ATP6V1E1: variants seen among roughly 807,000 people sequenced by gnomAD.
ATP6V1E1 encodes V-type proton ATPase subunit E 1.
Under a neutral mutation model 35.2 loss-of-function variants are expected in ATP6V1E1, and 21 were observed. The ratio of observed to expected loss-of-function variants is 0.60; its 90% CI spans 0.42 to 0.86. The LOEUF (loss-of-function observed/expected upper bound fraction) is 0.86, where lower values mean the gene tolerates loss of function less well. ATP6V1E1 is among the 40% of genes least tolerant of loss of function. The probability of loss-of-function intolerance (pLI) is 0.00; values close to 1 mark genes in which losing one functional copy is unlikely to be tolerated. For synonymous variants in ATP6V1E1, 83 were observed against 87.8 expected, an observed-to-expected ratio of 0.95 and a Z score of 0.30; for missense variants, 183 against 272.6, an observed-to-expected ratio of 0.67 and a Z score of 2.32.
At chr22:17,602,068 CTCA>C (rs1273413838) in intron 4 of ATP6V1E1, among the ~76,000 whole-genome samples, 1 of 152,082 alleles carries the variant, frequency 6.6e-6, no homozygotes, top group African/African-American at 2.4e-5. Context: ...CTATACCCAG[CTCA>C]TATTATTTTA....
intron 7 of ATP6V1E1, chr22:17,597,956 C>A (rs193063302): frequency 6.2e-6 from 3 of 480,908 alleles, no homozygotes; most frequent in Non-Finnish European, 1.1e-5. Context: ...GGATTACAGG[C>A]GTGAGCCACC....
At chr22:17,626,209 G>C (rs1334349159) in intron 1 of ATP6V1E1, among the ~76,000 whole-genome samples, 2 of 151,428 alleles carry the variant, frequency 1.3e-5, no homozygotes, top group East Asian at 3.9e-4. Flanking sequence ...TCGGGAGGCT[G>C]GGGCAGGAGA....
intron 2 of ATP6V1E1, among the ~76,000 whole-genome samples, chr22:17,614,394 C>T (rs1390220708): frequency 4.0e-5 from 5 of 125,208 alleles, no homozygotes; most frequent in African/African-American, 1.2e-4. Context: ...GGTGGCCTAA[C>T]GCCTGCCATC....
At chr22:17,600,330 A>AG (rs1448809146) in intron 5 of ATP6V1E1, among the ~76,000 whole-genome samples, 1 of 151,960 alleles carries the variant, frequency 6.6e-6, no homozygotes, top group Non-Finnish European at 1.5e-5. Context: ...CAGATTACTC[A>AG]GGAGGCTGAG....
chr22:17,623,161 C>A (rs757236944), intron 1 of ATP6V1E1, among the ~76,000 whole-genome samples: 2 of 151,960 alleles, frequency 1.3e-5, no homozygotes, highest in African/African-American at 4.8e-5. Flanking sequence ...TTTAAGGAGA[C>A]AAAAAGTTAT....
At chr22:17,610,834 T>C (rs2057811993) in intron 4 of ATP6V1E1, among the ~76,000 whole-genome samples, 2 of 152,214 alleles carry the variant, frequency 1.3e-5, no homozygotes, top group African/African-American at 4.8e-5. Context: ...GGGTTATCAC[T>C]GGTGGAGACG....
chr22:17,628,507 T>C, intron 1 of ATP6V1E1, 96 bp downstream of exon 1: 1 of 1,542,104 alleles, frequency 6.5e-7, no homozygotes, highest in Non-Finnish European at 8.9e-7. Flanking sequence ...CTGCGGCATC[T>C]GGGCGGCTCA....
chr22:17,626,295 G>C (rs867907996), intron 1 of ATP6V1E1, among the ~76,000 whole-genome samples: 1 of 117,350 alleles, frequency 8.5e-6, no homozygotes, highest in African/African-American at 3.6e-5. Context: ...GCAACAGAGC[G>C]AGACTTCGTC....
intron 6 of ATP6V1E1, 108 bp from the exon 7 acceptor site, chr22:17,598,396 A>G: frequency 1.2e-6 from 1 of 865,622 alleles, no homozygotes. Flanking sequence ...CCCAGGTAAA[A>G]GAACAGAGGC....
At chr22:17,596,792 CTT>C in intron 7 of ATP6V1E1, among the ~76,000 whole-genome samples, 1 of 152,144 alleles carries the variant, frequency 6.6e-6, no homozygotes, top group South Asian at 2.1e-4. Context: ...ACTATCTCAT[CTT>C]TTTTTCTTCA....
chr22:17,604,017 C>T (rs997103572), intron 4 of ATP6V1E1, among the ~76,000 whole-genome samples: 2 of 152,142 alleles, frequency 1.3e-5, no homozygotes, highest in African/African-American at 4.8e-5. Context: ...AACAGGGAAA[C>T]GGTAATTAAG....
chr22:17,615,036 C>G (rs1001497114), intron 2 of ATP6V1E1, among the ~76,000 whole-genome samples: 4 of 152,086 alleles, frequency 2.6e-5, no homozygotes, highest in Non-Finnish European at 5.9e-5. Flanking sequence ...GGCGCCATGG[C>G]TCACGCCTAT....
Position 17,625,983 on chromosome 22 carries a change from C to T in ATP6V1E1, c.33+2620G>A, listed in dbSNP as rs369376799. On this transcript the variant is annotated intron_variant, in intron 1 of 8. Coordinates refer to ENST00000253413, the MANE Select transcript of ATP6V1E1 (RefSeq NM_001696.4). ...GATACATCTACTTGGTGCCAAACAC[C>T]GTTAGGCATTGAGGCTCCTAAATGT... Among the ~76,000 whole-genome samples, 69 of 151,940 alleles carry T rather than the reference C, an allele frequency of 4.5e-4. No homozygotes were observed. The South Asian group carries it at 0.014, about 31-fold the overall frequency.
At chr22:17,625,361 C>T (rs180936114) in intron 1 of ATP6V1E1, among the ~76,000 whole-genome samples, 2 of 152,202 alleles carry the variant, frequency 1.3e-5, no homozygotes, top group African/African-American at 2.4e-5. Flanking sequence ...TGGGTTCAAG[C>T]GATTCTCCTG....
intron 4 of ATP6V1E1, among the ~76,000 whole-genome samples, chr22:17,603,776 G>C (rs895228601): frequency 6.6e-6 from 1 of 152,150 alleles, no homozygotes; most frequent in African/African-American, 2.4e-5. Context: ...TTTCAGATAA[G>C]GGATACACAC....
rs2057823886 is a variant in ATP6V1E1, at chr22:17,613,179, T to C, written c.209+32A>G. 1.9e-6 allele frequency: 3 copies of C among 1,590,254 alleles called. No homozygotes were observed. The East Asian group carries it at 6.7e-5, about 36-fold the overall frequency. On this transcript the variant is annotated intron_variant, in intron 3 of 8. Coordinates refer to ENST00000253413, the MANE Select transcript of ATP6V1E1 (RefSeq NM_001696.4). ...CCTGCTCATGACTTCAGAAAACTTC[T>C]TAGCTTAATACTGCAACCAGGATCT...
At chr22:17,627,749 G>T (rs1162086813) in intron 1 of ATP6V1E1, among the ~76,000 whole-genome samples, 1 of 149,440 alleles carries the variant, frequency 6.7e-6, no homozygotes, top group Non-Finnish European at 1.5e-5. Flanking sequence ...TGAACCCGGG[G>T]CGGAGGTTGC....
At chr22:17,606,615 T>C (rs1162582978) in intron 4 of ATP6V1E1, among the ~76,000 whole-genome samples, 1 of 152,180 alleles carries the variant, frequency 6.6e-6, no homozygotes, top group African/African-American at 2.4e-5. Context: ...CATGCAACAG[T>C]ATACTTGGAT....
intron 2 of ATP6V1E1, among the ~76,000 whole-genome samples, chr22:17,614,393 A>G (rs1448548103): frequency 8.3e-6 from 1 of 120,874 alleles, no homozygotes; most frequent in East Asian, 2.2e-4. Context: ...TGGTGGCCTA[A>G]CGCCTGCCAT....
Sources: gnomAD v4.1 joint callset for allele counts (sites outside exome capture counted in the v4.1 genomes callset) on GRCh38, gnomAD v4.1.1 for gene constraint, MANE v1.5 for transcripts, NCBI Gene and HGNC (gene_info 2026-07-23, HGNC 2026-07-21) for gene names.